Variants in HDC observed in about 807,000 individuals in gnomAD.
The protein encoded by HDC is histidine decarboxylase.
Under a neutral mutation model 64.4 loss-of-function variants are expected in HDC, and 27 were observed. That is an observed-to-expected ratio of 0.42 (90% CI 0.31 to 0.58). HDC has a LOEUF of 0.58. Ranked by LOEUF, HDC falls within the 20% of genes least tolerant of loss-of-function variation. The pLI, the probability that HDC is intolerant of heterozygous loss-of-function variation, is 0.16. For missense variants in HDC, 711 were observed against 833.9 expected (o/e 0.85, Z 1.81); for synonymous variants, 305 against 314.2 (o/e 0.97, Z 0.31).
At chr15:50,247,215 A>G (rs944599171) in intron 10 of HDC, among the ~76,000 whole-genome samples, 2 of 152,168 alleles carry the variant, frequency 1.3e-5, no homozygotes, top group African/African-American at 4.8e-5. Flanking sequence ...TTTGCTGTAC[A>G]TTTCAAACTA....
At chr15:50,252,288 G>T in intron 9 of HDC, 142 bp downstream of exon 9, 1 of 681,616 alleles carries the variant, frequency 1.5e-6, no homozygotes, top group Non-Finnish European at 2.6e-6. Context: ...AGAAACCAAG[G>T]TATGCATTGG....
At chr15:50,245,754 G>C (rs536829952) in intron 10 of HDC, among the ~76,000 whole-genome samples, 1 of 152,242 alleles carries the variant, frequency 6.6e-6, no homozygotes, top group Admixed American at 6.5e-5. Flanking sequence ...AAGTAGCCAG[G>C]CATGATGGTA....
In HDC at chr15:50,264,500, GA is replaced by G. The variant is rs529945648; in HGVS notation, c.31+1092del. ...GTGAATGAACATATGAGTAAGGAAG[GA>G]AAAAAAAGTCAAGTTGAACACTCTG... On this transcript the variant is annotated intron_variant, in intron 1 of 11. Transcript: ENST00000267845. Among the ~76,000 whole-genome samples the G allele has an allele frequency of 2.6e-5, 4 of 151,926 alleles. No homozygotes were observed. The East Asian group carries it at 5.8e-4, about 22-fold the overall frequency.
At chr15:50,253,708 C>A (rs1456872548) in intron 6 of HDC, 42 bp from the exon 7 acceptor site, 1 of 1,520,504 alleles carries the variant, frequency 6.6e-7, no homozygotes, top group Non-Finnish European at 9.1e-7. Flanking sequence ...AGGGTGGGCT[C>A]GTGTGACACA....
intron 2 of HDC, among the ~76,000 whole-genome samples, chr15:50,259,733 C>G (rs1894236): frequency 6.6e-6 from 1 of 152,032 alleles, no homozygotes; most frequent in East Asian, 1.9e-4. Context: ...CTTCCCTGAG[C>G]GATAGAACTC....
At chr15:50,258,381 T>C in intron 3 of HDC, 23 bp downstream of exon 3, 1 of 1,358,952 alleles carries the variant, frequency 7.4e-7, no homozygotes, top group Non-Finnish European at 1.1e-6. Flanking sequence ...CCATTGCGAG[T>C]AGTTACAGCC....
intron 1 of HDC, among the ~76,000 whole-genome samples, chr15:50,264,363 C>T (rs2045741932): frequency 6.6e-6 from 1 of 152,160 alleles, no homozygotes; most frequent in African/African-American, 2.4e-5. Flanking sequence ...GCCCCCTGCC[C>T]TGGCCTGGGA....
At chr15:50,252,836 C>A in intron 7 of HDC, 62 bp from the exon 8 acceptor site, 1 of 1,520,828 alleles carries the variant, frequency 6.6e-7, no homozygotes, top group East Asian at 2.4e-5. Context: ...ATGTCTCGCA[C>A]CTGGCCAAGC....
Position 50,252,771 on chromosome 15 carries a change from G to A in HDC, c.791C>T (p.Ala264Val), listed in dbSNP as rs1274259699. ...GATGTGGAGCCACAGCCCCTCACGG[G>A]CACCTGAGGAGGCAAACATCACCTG... ...DCLSELGPIC[A>V]REGLWLHIDA... The change falls in exon 8 of 12, where the codon GCC becomes GTC. Residue 264 changes from alanine to valine, a missense_variant. This residue lies in a region of HDC where 483 missense variants were observed against 540.9 expected (regional missense o/e 0.89). Transcript: ENST00000267845. The A allele has an allele frequency of 1.2e-6, 2 of 1,612,366 alleles. No homozygotes were observed. Among genetic ancestry groups the A allele is most frequent in the African/African-American group, 1.3e-5 (1 of 74,912 alleles).
intron 11 of HDC, 34 bp from the exon 12 acceptor site, chr15:50,243,040 C>A: frequency 6.2e-7 from 1 of 1,614,054 alleles, no homozygotes; most frequent in East Asian, 2.2e-5. Context: ...AAGTCTCCAT[C>A]GCACCCCCTG....
At chr15:50,251,733 G>A (rs1268603632) in intron 9 of HDC, among the ~76,000 whole-genome samples, 2 of 152,082 alleles carry the variant, frequency 1.3e-5, no homozygotes, top group African/African-American at 4.8e-5. Flanking sequence ...TTGGAAAGCT[G>A]AGGCAGGAGA....
chr15:50,246,126 C>T (rs987257302), intron 10 of HDC, among the ~76,000 whole-genome samples: 5 of 152,138 alleles, frequency 3.3e-5, no homozygotes, highest in African/African-American at 4.8e-5. Flanking sequence ...GGGAAAGTCC[C>T]GGGCCTTCTT....
chr15:50,261,011 G>A (rs183126344), intron 2 of HDC, among the ~76,000 whole-genome samples: 127 of 152,300 alleles, frequency 8.3e-4, no homozygotes, highest in Non-Finnish European at 1.1e-3. Context: ...ACTGCTTTCA[G>A]GCCAGCTCTC....
chr15:50,243,141 AC>A lies in HDC; in HGVS notation c.1242+1del. 6.2e-7 allele frequency: 1 copy of A among 1,612,752 alleles called. No homozygotes were observed. Among genetic ancestry groups the A allele is most frequent in the Non-Finnish European group, 8.5e-7 (1 of 1,178,730 alleles). ...ACAGAGGGGCTTGGAAGATGGTATT[AC>A]CTTTAGACGAAAAACCACCAGGCCA... is the stretch of plus-strand genomic sequence containing the variant. On this transcript the variant is annotated splice_donor_variant, in intron 11 of 11. Transcript: ENST00000267845. LOFTEE classifies it high-confidence loss of function.
At position 50,242,796 on chromosome 15, in the gene HDC, G is replaced by A. The variant is rs377513123; in HGVS notation, c.1453C>T (p.Pro485Ser). ...LSQHCTSQPSPRVGNLISQIR... is the reference protein window; with the variant it reads ...LSQHCTSQPSSRVGNLISQIR... ...TGGGAGATGAGGTTCCCAACCCGAGGGCTGGGTTGGGAAGTACAGTGCTGA... is the reference window on the plus strand; with the variant it reads ...TGGGAGATGAGGTTCCCAACCCGAGAGCTGGGTTGGGAAGTACAGTGCTGA... Residue 485 changes from proline to serine, a missense_variant, in exon 12 of 12, where the codon CCT (proline) becomes TCT (serine). This residue lies in a region of HDC where 483 missense variants were observed against 540.9 expected (regional missense o/e 0.89). Transcript: ENST00000267845. 1.2e-6 allele frequency: 2 copies of A among 1,613,824 alleles called. No homozygotes were observed. The highest frequency in any genetic ancestry group is 1.3e-5 in the African/African-American group (1 of 74,862).
chr15:50,246,524 G>A (rs984373342), intron 10 of HDC, among the ~76,000 whole-genome samples: 9 of 152,180 alleles, frequency 5.9e-5, no homozygotes, highest in African/African-American at 2.2e-4. Context: ...AAGGACACGG[G>A]TGAAGGTGCA....
At position 50,258,479 on chromosome 15, in the gene HDC, G is replaced by A. The variant is rs770709619; in HGVS notation, c.243C>T (p.Tyr81=). 2.5e-6 allele frequency: 4 copies of A among 1,613,676 alleles called. No homozygotes were observed. The Admixed American group carries it at 5.0e-5, about 20-fold the overall frequency. The change falls in exon 3 of 12, where the codon TAC becomes TAT. Residue 81 remains tyrosine (Y), a synonymous_variant. Transcript: ENST00000267845. ...HWQSPHMHAY[Y]PALTSWPSLL... ...GGGAGGGCCAAGAGGTGAGGGCTGG[G>A]TAGTAGGCGTGCATATGGGGGCTCT...
chr15:50,251,984 A>AGTTGCCCCACAGC (rs1362959203), intron 9 of HDC, among the ~76,000 whole-genome samples: 21 of 152,168 alleles, frequency 1.4e-4, no homozygotes, highest in Admixed American at 1.4e-3. Flanking sequence ...ACTACCACAG[A>AGTTGCCCCACAGC]GCTGCCCCAC....
At chr15:50,263,769 C>T (rs1357983175) in intron 1 of HDC, among the ~76,000 whole-genome samples, 1 of 152,054 alleles carries the variant, frequency 6.6e-6, no homozygotes, top group East Asian at 1.9e-4. Flanking sequence ...CACTGCACTC[C>T]AGCCTGGACT....
Sources: allele counts gnomAD v4.1 joint callset (sites outside exome capture counted in the v4.1 genomes callset), GRCh38; gene constraint gnomAD v4.1.1; regional missense constraint gnomAD v4.1.1; transcripts MANE v1.5; gene names NCBI Gene and HGNC (gene_info 2026-07-23, HGNC 2026-07-21).